IRAG2: variants seen among roughly 807,000 people sequenced by gnomAD.
IRAG2 encodes inositol 1,4,5-triphosphate receptor associated 2.
In IRAG2, 45 loss-of-function variants were observed where a neutral mutation model predicts 69.9. The observed-to-expected ratio is 0.64, with a 90% confidence interval of 0.51 to 0.83. The LOEUF (loss-of-function observed/expected upper bound fraction) is 0.83. IRAG2 is among the 40% of genes least tolerant of loss of function. IRAG2 has a pLI of 0.00. For synonymous variants in IRAG2, 193 were observed against 202.4 expected, an observed-to-expected ratio of 0.95 and a Z score of 0.40; for missense variants, 520 against 587.0, an observed-to-expected ratio of 0.89 and a Z score of 1.18.
At chr12:25,068,785 G>C (rs1946148517) in intron 5 of IRAG2, among the ~76,000 whole-genome samples, 1 of 152,202 alleles carries the variant, frequency 6.6e-6, no homozygotes, top group Admixed American at 6.6e-5. Flanking sequence ...TTAGAGTAAA[G>C]ATTCCCCTAG....
At chr12:25,101,116 C>G in intron 15 of IRAG2, 62 bp from the exon 16 acceptor site, 1 of 1,418,142 alleles carries the variant, frequency 7.1e-7, no homozygotes, top group Non-Finnish European at 9.6e-7. Flanking sequence ...TGTGTTTAAT[C>G]ACCATCTTTT....
chr12:25,077,617 T>C (rs1020983168), intron 6 of IRAG2, among the ~76,000 whole-genome samples: 7 of 151,946 alleles, frequency 4.6e-5, no homozygotes, highest in African/African-American at 1.7e-4. Flanking sequence ...ATTTGTATTA[T>C]ATATTTCTCT....
chr12:25,071,550 A>G (rs1161250099), intron 6 of IRAG2, among the ~76,000 whole-genome samples: 1 of 152,200 alleles, frequency 6.6e-6, no homozygotes, highest in South Asian at 2.1e-4. Context: ...AACTTTGTAC[A>G]AAAGCATTCC....
intron 10 of IRAG2, among the ~76,000 whole-genome samples, chr12:25,085,359 G>T (rs1418309649): frequency 6.6e-6 from 1 of 151,738 alleles, no homozygotes; most frequent in African/African-American, 2.4e-5. Context: ...GAATGGGAAG[G>T]GGGTATTCCC....
chr12:25,003,527 T>C (rs967570605), upstream of IRAG2, among the ~76,000 whole-genome samples: 4 of 151,986 alleles, frequency 2.6e-5, no homozygotes, highest in African/African-American at 9.7e-5. Context: ...ATTTTAAATC[T>C]TACTAGTTTA....
chr12:25,047,331 G>T (rs987883786), upstream of IRAG2, among the ~76,000 whole-genome samples: 1 of 152,168 alleles, frequency 6.6e-6, no homozygotes, highest in African/African-American at 2.4e-5. Flanking sequence ...GACTGCATCA[G>T]TCTGAAAAGC....
At chr12:25,079,136 T>A in intron 6 of IRAG2, 108 bp from the exon 7 acceptor site, 1 of 1,082,320 alleles carries the variant, frequency 9.2e-7, no homozygotes, top group Non-Finnish European at 1.4e-6. Context: ...AAGAGCTGAG[T>A]AAATATGGGT....
intron 1 of IRAG2, among the ~76,000 whole-genome samples, chr12:25,061,094 T>C (rs538589684): frequency 8.1e-4 from 123 of 152,286 alleles, no homozygotes; most frequent in Admixed American, 1.6e-3. Flanking sequence ...TCTAGCCTGG[T>C]TTTCCATTTT....
intron 14 of IRAG2, among the ~76,000 whole-genome samples, chr12:25,036,237 A>G (rs1441020490): frequency 1.3e-5 from 2 of 152,190 alleles, no homozygotes; most frequent in Non-Finnish European, 2.9e-5. Context: ...AGTAGGTAGC[A>G]TTTAGTTTGG....
rs77199616 is a variant in IRAG2 at position 25,008,736 on chromosome 12, C to T, written c.689-2608C>T. ...CCTGGGAGACAAAGCGAAACTCCATCTCAAAATAAAAGAAAAATTAGCTGA... is the reference window on the plus strand; with the variant it reads ...CCTGGGAGACAAAGCGAAACTCCATTTCAAAATAAAAGAAAAATTAGCTGA... On this transcript the variant is annotated intron_variant, in intron 2 of 38. Coordinates refer to the IRAG2 transcript ENST00000636465. Among the ~76,000 whole-genome samples, 101 of 152,238 alleles carry T rather than the reference C, an allele frequency of 6.6e-4. 1 individual carries two copies. In the East Asian group the frequency reaches 0.014, roughly 22 times the overall value.
At chr12:25,018,406 A>G (rs1396075245) in intron 6 of IRAG2, among the ~76,000 whole-genome samples, 6 of 151,792 alleles carry the variant, frequency 4.0e-5, no homozygotes, top group Admixed American at 3.9e-4. Context: ...AGGTCTTGCC[A>G]TGTTGCCCAG....
intron 9 of IRAG2, among the ~76,000 whole-genome samples, chr12:25,080,689 A>G (rs998861815): frequency 1.3e-5 from 2 of 152,130 alleles, no homozygotes; most frequent in African/African-American, 4.8e-5. Flanking sequence ...TCGACGTTTA[A>G]GTTTGAGATA....
chr12:25,010,479 A>C (rs1406122770), intron 2 of IRAG2, among the ~76,000 whole-genome samples: 4 of 150,388 alleles, frequency 2.7e-5, no homozygotes, highest in Admixed American at 6.7e-5. Context: ...AAACAAACAA[A>C]AAAAAAAAAC....
chr12:25,090,884 C>A, intron 14 of IRAG2: 1 of 452,356 alleles, frequency 2.2e-6, no homozygotes, highest in South Asian at 1.6e-5. Context: ...AGAAGAGAAT[C>A]GAGTCTATTT....
intron 6 of IRAG2, chr12:25,076,391 T>C (rs1946690933): frequency 1.0e-6 from 1 of 972,704 alleles, no homozygotes; most frequent in Non-Finnish European, 1.2e-6. Context: ...ATCTAACGTA[T>C]AGGGCAAAAG....
chr12:25,017,440 G>A, intron 6 of IRAG2: 2 of 767,996 alleles, frequency 2.6e-6, no homozygotes. Flanking sequence ...TTCTCTGGCT[G>A]GGCATGGTGA....
chr12:25,050,527 C>CAAAAAA (rs747761089), upstream of IRAG2, among the ~76,000 whole-genome samples: 1 of 47,882 alleles, frequency 2.1e-5, no homozygotes. Context: ...GACTCCGTCT[C>CAAAAAA]AAAAAAAACA....
intron 1 of IRAG2, among the ~76,000 whole-genome samples, chr12:25,054,376 C>A (rs188887981): frequency 3.1e-4 from 47 of 152,306 alleles, no homozygotes; most frequent in African/African-American, 1.0e-3. Flanking sequence ...TCTTTTGCTC[C>A]AGTTTTGCCT....
At chr12:25,089,837 C>A in intron 13 of IRAG2, 47 bp downstream of exon 13, 2 of 1,586,628 alleles carry the variant, frequency 1.3e-6, no homozygotes, top group Non-Finnish European at 1.7e-6. Context: ...GTGTTCCAGA[C>A]TCACCTGCTA....
Sources: allele counts gnomAD v4.1 joint callset (sites outside exome capture counted in the v4.1 genomes callset), GRCh38; gene constraint gnomAD v4.1.1; transcripts MANE v1.5; gene names NCBI Gene and HGNC (gene_info 2026-07-23, HGNC 2026-07-21).